PHTF2: variants seen among roughly 807,000 people sequenced by gnomAD.
The protein encoded by PHTF2 is protein PHTF2.
PHTF2 carries 60 observed loss-of-function variants against 101.2 expected under a neutral mutation model. The observed-to-expected ratio is 0.59, with a 90% CI of 0.48 to 0.73. The LOEUF (loss-of-function observed/expected upper bound fraction) is 0.73, where lower values mean the gene tolerates loss of function less well. Among genes scored for constraint, PHTF2 ranks in the 30% least tolerant of loss-of-function variants. PHTF2 has a pLI of 0.00. For missense variants in PHTF2, 747 were observed against 908.7 expected (o/e 0.82, Z 2.29); for synonymous variants, 311 against 307.3 (o/e 1.01, Z -0.13).
chr7:77,947,421 G>C (rs371905989), intron 16 of PHTF2, among the ~76,000 whole-genome samples: 1 of 151,882 alleles, frequency 6.6e-6, no homozygotes, highest in Non-Finnish European at 1.5e-5. Flanking sequence ...AAATTAGCCC[G>C]TCGCGGTGGT....
intron 7 of PHTF2, among the ~76,000 whole-genome samples, chr7:77,905,808 G>A (rs1317770407): frequency 2.0e-5 from 3 of 152,050 alleles, no homozygotes; most frequent in Non-Finnish European, 4.4e-5. Context: ...TACTCCTAGA[G>A]TTCCCCTTGC....
At chr7:77,832,753 C>T (rs181066000) in intron 1 of PHTF2, among the ~76,000 whole-genome samples, 36 of 151,944 alleles carry the variant, frequency 2.4e-4, no homozygotes, top group Admixed American at 2.1e-3. Flanking sequence ...GGAAAACAAG[C>T]TCAGGGCTCC....
chr7:77,879,705 A>ATAC (rs1369258502), intron 3 of PHTF2, among the ~76,000 whole-genome samples: 1 of 152,112 alleles, frequency 6.6e-6, no homozygotes, highest in African/African-American at 2.4e-5. Flanking sequence ...CTGCCTTTTT[A>ATAC]TACTACTAAA....
chr7:77,913,608 A>G (rs1266859237), intron 9 of PHTF2, among the ~76,000 whole-genome samples: 1 of 152,104 alleles, frequency 6.6e-6, no homozygotes, highest in Non-Finnish European at 1.5e-5. Context: ...CACCGTGACA[A>G]TATCACTGAA....
chr7:77,922,141 C>G (rs531496298), intron 10 of PHTF2, among the ~76,000 whole-genome samples: 1 of 150,614 alleles, frequency 6.6e-6, no homozygotes, highest in African/African-American at 2.4e-5. Flanking sequence ...TCTCACCTCA[C>G]TCTCCTGAAT....
Position 77,943,279 on chromosome 7 carries a change from C to G in PHTF2, c.1959+493C>G, listed in dbSNP as rs534512829. Among the ~76,000 whole-genome samples the G allele has an allele frequency of 2.0e-5, 3 of 152,300 alleles. No individual in the cohort carries two copies. In the East Asian group the frequency reaches 5.8e-4, roughly 29 times the overall value. On this transcript the variant is annotated intron_variant, in intron 16 of 19. Coordinates refer to ENST00000416283, the Ensembl canonical transcript of PHTF2. The stretch of plus-strand genomic sequence containing the variant: ...GGGACTACAGGTGCCCACCACCACA[C>G]CCGGCTAATTTATTTTTTGTATTTT...
intron 1 of PHTF2, among the ~76,000 whole-genome samples, chr7:77,834,531 C>A (rs1033997743): frequency 6.6e-6 from 1 of 152,130 alleles, no homozygotes; most frequent in Non-Finnish European, 1.5e-5. Flanking sequence ...AGGGGCTTGA[C>A]TCAAGTCCTA....
At chr7:77,846,730 A>G (rs1796334944) in intron 2 of PHTF2, among the ~76,000 whole-genome samples, 1 of 149,904 alleles carries the variant, frequency 6.7e-6, no homozygotes, top group Admixed American at 6.7e-5. Context: ...GCAGTCTCCA[A>G]CTCCTGGGCT....
intron 5 of PHTF2, among the ~76,000 whole-genome samples, chr7:77,899,490 A>G (rs1801187671): frequency 6.6e-6 from 1 of 152,116 alleles, no homozygotes; most frequent in Non-Finnish European, 1.5e-5. Flanking sequence ...GATCGACTAT[A>G]TATAAAATTA....
chr7:77,905,837 C>A (rs1432783152), intron 7 of PHTF2, among the ~76,000 whole-genome samples: 1 of 152,124 alleles, frequency 6.6e-6, no homozygotes, highest in Non-Finnish European at 1.5e-5. Flanking sequence ...TGAAGTCCTG[C>A]CTTTGAAATA....
rs188194440 is a variant in PHTF2 at position 77,815,467 on chromosome 7, G to C, written c.-36+16496G>C. 2.6e-5 allele frequency among the ~76,000 whole-genome samples: 4 copies of C among 152,254 alleles called. No homozygotes were observed. The East Asian group carries it at 7.7e-4, about 29-fold the overall frequency. On this transcript the variant is annotated intron_variant, in intron 1 of 19. Coordinates refer to ENST00000416283, the Ensembl canonical transcript of PHTF2. ...ATTTGGAAATTGAAATTTAAAACTG[G>C]TTTCAATTTGTAGTTTTTATCAAAG... is the stretch of plus-strand genomic sequence containing the variant.
chr7:77,814,767 G>A (rs560307692), intron 1 of PHTF2, among the ~76,000 whole-genome samples: 2 of 151,688 alleles, frequency 1.3e-5, no homozygotes, highest in Non-Finnish European at 2.9e-5. Flanking sequence ...CGCCCGGTCT[G>A]GGGGGGCATT....
intron 1 of PHTF2, among the ~76,000 whole-genome samples, chr7:77,804,921 C>G (rs73374178): frequency 0.013 from 1,974 of 152,278 alleles, 48 homozygotes; most frequent in African/African-American, 0.046. Flanking sequence ...TGTTGAAATA[C>G]CAACATACTG....
At chr7:77,807,931 A>G (rs1356900181) in intron 1 of PHTF2, among the ~76,000 whole-genome samples, 3 of 151,990 alleles carry the variant, frequency 2.0e-5, no homozygotes, top group Non-Finnish European at 2.9e-5. Flanking sequence ...TTTTCCCAGT[A>G]CCATTTTTTG....
intron 11 of PHTF2, among the ~76,000 whole-genome samples, chr7:77,925,495 GTTTTTTTTTTTTTTTTTT>G (rs58290945): frequency 9.6e-5 from 7 of 73,166 alleles, no homozygotes; most frequent in African/African-American, 2.3e-4. Flanking sequence ...AGTTTTTAGG[GTTTTTTTTTTTTTTTTTT>G]TTTTTTTTTT....
At chr7:77,880,851 G>A (rs145963943) in intron 3 of PHTF2, among the ~76,000 whole-genome samples, 127 of 152,306 alleles carry the variant, frequency 8.3e-4, no homozygotes, top group African/African-American at 2.9e-3. Context: ...ACTTGTAGGT[G>A]TTTGGTGGTA....
chr7:77,923,886 A>G, intron 11 of PHTF2: 4 of 976,060 alleles, frequency 4.1e-6, no homozygotes, highest in Non-Finnish European at 4.9e-6. Flanking sequence ...CTTGAAGCGC[A>G]GAACATTATT....
chr7:77,837,847 A>G (rs1488505997), intron 1 of PHTF2, among the ~76,000 whole-genome samples: 1 of 152,134 alleles, frequency 6.6e-6, no homozygotes, highest in Non-Finnish European at 1.5e-5. Flanking sequence ...CCCTAAATAT[A>G]TTAAATATCT....
Position 77,838,616 on chromosome 7 carries a change from A to G in PHTF2, c.-35-1605A>G, listed in dbSNP as rs77148420. On this transcript the variant is annotated intron_variant, in intron 1 of 19. Transcript: ENST00000416283. ...ATCTTATATATATTATTTATTGGTT[A>G]CAAAGATCCTATAAGGGGTGGGGAG... 0.012 allele frequency among the ~76,000 whole-genome samples: 1,758 copies of G among 152,288 alleles called. 83 individuals carry two copies. In the East Asian group the frequency reaches 0.13, roughly 11 times the overall value.
Sources: gnomAD v4.1 joint callset for allele counts (sites outside exome capture counted in the v4.1 genomes callset) on GRCh38, gnomAD v4.1.1 for gene constraint, MANE v1.5 for transcripts, NCBI Gene and HGNC (gene_info 2026-07-23, HGNC 2026-07-21) for gene names.